The following FAM174A variants were observed in gnomAD, a reference collection of about 807,000 sequenced individuals.
The protein encoded by FAM174A is family with sequence similarity 174 member A.
A neutral mutation model predicts 14.3 loss-of-function variants in FAM174A; 14 were observed. The observed-to-expected ratio is 0.98, with a 90% confidence interval of 0.65 to 1.53. FAM174A has a LOEUF of 1.53. Ranked by LOEUF, FAM174A falls within the 40% of genes most tolerant of loss-of-function variation. The pLI is 0.00. For synonymous variants in FAM174A, 108 were observed against 111.4 expected, an observed-to-expected ratio of 0.97 and a Z score of 0.19; for missense variants, 241 against 249.6, an observed-to-expected ratio of 0.97 and a Z score of 0.23.
At chr5:100,536,767 T>C (rs973813777) in intron 1 of FAM174A, among the ~76,000 whole-genome samples, 3 of 152,236 alleles carry the variant, frequency 2.0e-5, no homozygotes, top group African/African-American at 7.2e-5. Context: ...ATAAATACCC[T>C]CTGTATTGTA....
intron 1 of FAM174A, among the ~76,000 whole-genome samples, chr5:100,555,077 C>G (rs544444892): frequency 1.1e-4 from 16 of 151,964 alleles, no homozygotes; most frequent in Non-Finnish European, 2.4e-4. Context: ...ATCCCTCCCC[C>G]CTACCCCCAC....
intron 2 of FAM174A, among the ~76,000 whole-genome samples, chr5:100,576,356 C>T (rs13359645): frequency 0.14 from 21,477 of 151,846 alleles, 3,174 homozygotes; most frequent in African/African-American, 0.38. Context: ...CGCTCATTGT[C>T]CTGTGTTGTT....
intron 1 of FAM174A, among the ~76,000 whole-genome samples, chr5:100,547,425 A>G (rs892776061): frequency 1.3e-5 from 2 of 152,094 alleles, no homozygotes; most frequent in African/African-American, 4.8e-5. Context: ...GACACTGAAG[A>G]GCCCAGTTTG....
chr5:100,579,182 G>A (rs2112403654), intron 2 of FAM174A, among the ~76,000 whole-genome samples: 1 of 152,202 alleles, frequency 6.6e-6, no homozygotes, highest in South Asian at 2.1e-4. Flanking sequence ...TATTATAATG[G>A]TGGAAAACTG....
chr5:100,547,493 T>C (rs1444729556), intron 1 of FAM174A, among the ~76,000 whole-genome samples: 1 of 152,074 alleles, frequency 6.6e-6, no homozygotes, highest in Non-Finnish European at 1.5e-5. Flanking sequence ...GTGATGGAAA[T>C]TATATGATGA....
At chr5:100,585,621 C>T (rs528034324) in intron 2 of FAM174A, among the ~76,000 whole-genome samples, 56 of 152,198 alleles carry the variant, frequency 3.7e-4, no homozygotes, top group Non-Finnish European at 7.1e-4. Flanking sequence ...ACCATGTTGG[C>T]CAGGCTGGTG....
intron 1 of FAM174A, among the ~76,000 whole-genome samples, chr5:100,550,760 A>G (rs956415344): frequency 6.6e-6 from 1 of 152,210 alleles, no homozygotes; most frequent in Non-Finnish European, 1.5e-5. Flanking sequence ...AGGAAGTTAT[A>G]TTTAAGCTGA....
chr5:100,554,258 T>C (rs1746318208), intron 1 of FAM174A, among the ~76,000 whole-genome samples: 1 of 151,674 alleles, frequency 6.6e-6, no homozygotes, highest in Non-Finnish European at 1.5e-5. Context: ...TATCATTAAA[T>C]GATATGTTTC....
chr5:100,549,682 G>A (rs747049837), intron 1 of FAM174A, among the ~76,000 whole-genome samples: 13 of 151,126 alleles, frequency 8.6e-5, no homozygotes, highest in South Asian at 4.2e-4. Flanking sequence ...AGTATACCTC[G>A]TTGAAGGAAC....
chr5:100,566,175 CATATA>C (rs1342086173), intron 2 of FAM174A, among the ~76,000 whole-genome samples: 5 of 64,074 alleles, frequency 7.8e-5, no homozygotes, highest in South Asian at 5.4e-4. Flanking sequence ...TATATATGTA[CATATA>C]ATATATATAA....
At chr5:100,568,695 T>C (rs1213476563) in intron 2 of FAM174A, among the ~76,000 whole-genome samples, 1 of 151,218 alleles carries the variant, frequency 6.6e-6, no homozygotes, top group Non-Finnish European at 1.5e-5. Flanking sequence ...TGAGTTTCTT[T>C]GCCTATTAAA....
chr5:100,549,022 T>G (rs935211734), intron 1 of FAM174A, among the ~76,000 whole-genome samples: 1 of 152,094 alleles, frequency 6.6e-6, no homozygotes, highest in African/African-American at 2.4e-5. Context: ...CTCTCTGTAT[T>G]TATATATACG....
rs1399475969 is a variant in FAM174A, at chr5:100,535,593, G to C, written c.63G>C (p.Leu21=). 1.2e-6 allele frequency: 2 copies of C among 1,613,152 alleles called. No homozygotes were observed. The highest frequency in any genetic ancestry group is 2.7e-5 in the African/African-American group (2 of 74,934). ...SHLLASVLLL[L]LLPELSGPLA... Reference sequence around the variant, plus strand: ...TCTTGGCTTCCGTCCTCCTCCTGCTGTTGCTGCCTGAACTAAGCGGGCCCC... The same window carrying C: ...TCTTGGCTTCCGTCCTCCTCCTGCTCTTGCTGCCTGAACTAAGCGGGCCCC... Residue 21 remains leucine, a synonymous_variant, in exon 1 of 3, where the codon CTG becomes CTC. Transcript: ENST00000312637.
chr5:100,573,056 A>G (rs1746824933), intron 2 of FAM174A, among the ~76,000 whole-genome samples: 1 of 149,812 alleles, frequency 6.7e-6, no homozygotes, highest in Admixed American at 6.6e-5. Context: ...TCTTCTTTTG[A>G]GAAGTGTCTG....
chr5:100,551,004 T>C (rs1461620972), intron 1 of FAM174A, among the ~76,000 whole-genome samples: 1 of 151,996 alleles, frequency 6.6e-6, no homozygotes, highest in Non-Finnish European at 1.5e-5. Flanking sequence ...GATTACTTAA[T>C]GTTGAGTAAT....
intron 2 of FAM174A, among the ~76,000 whole-genome samples, chr5:100,573,860 A>G (rs1407150921): frequency 6.6e-6 from 1 of 151,870 alleles, no homozygotes; most frequent in African/African-American, 2.4e-5. Flanking sequence ...ACAGCATGGT[A>G]CTGGTACCAA....
At chr5:100,559,851 A>G (rs1746487153) in intron 1 of FAM174A, among the ~76,000 whole-genome samples, 1 of 151,746 alleles carries the variant, frequency 6.6e-6, no homozygotes, top group African/African-American at 2.4e-5. Flanking sequence ...CCATTTGTCT[A>G]ATTTTTTTTC....
chr5:100,550,851 A>G (rs541628828), intron 1 of FAM174A, among the ~76,000 whole-genome samples: 16 of 152,186 alleles, frequency 1.1e-4, no homozygotes, highest in Non-Finnish European at 1.2e-4. Flanking sequence ...CAGAGAAAGC[A>G]TGGCCATCAT....
intron 2 of FAM174A, among the ~76,000 whole-genome samples, chr5:100,575,346 C>A (rs547106768): frequency 6.6e-6 from 1 of 151,996 alleles, no homozygotes; most frequent in Non-Finnish European, 1.5e-5. Context: ...TGGTGTGCTG[C>A]ACCCATTAAC....
Sources: allele counts gnomAD v4.1 joint callset (sites outside exome capture counted in the v4.1 genomes callset), GRCh38; gene constraint gnomAD v4.1.1; transcripts MANE v1.5; gene names NCBI Gene and HGNC (gene_info 2026-07-23, HGNC 2026-07-21).